The following COL25A1 variants were observed in gnomAD, a reference collection of about 807,000 sequenced individuals.
COL25A1 encodes collagen type XXV alpha 1 chain.
COL25A1 carries 103 observed loss-of-function variants against 128.4 expected under a neutral mutation model. The observed-to-expected ratio is 0.80, with a 90% CI of 0.68 to 0.94. The LOEUF (loss-of-function observed/expected upper bound fraction) is 0.94. COL25A1 is among the 40% of genes least tolerant of loss of function. The probability of loss-of-function intolerance (pLI) is 0.00; values close to 1 mark genes in which losing one functional copy is unlikely to be tolerated. For synonymous variants in COL25A1, 279 were observed against 277.2 expected (o/e 1.01, Z -0.06); for missense variants, 745 against 840.0 (o/e 0.89, Z 1.40).
At chr4:109,105,958 A>C (rs1766389518) in intron 3 of COL25A1, among the ~76,000 whole-genome samples, 1 of 152,174 alleles carries the variant, frequency 6.6e-6, no homozygotes, top group South Asian at 2.1e-4. Flanking sequence ...GACAATCTTA[A>C]TTATCAATTT....
rs184128130 is a variant in COL25A1, at chr4:109,163,885, G to A, written c.368-113706C>T. 2.6e-4 allele frequency among the ~76,000 whole-genome samples: 40 copies of A among 152,198 alleles called. No individual in the cohort carries two copies. The East Asian group carries it at 6.6e-3, about 25-fold the overall frequency. ...AAGGATTTCCTGACCCTTCAGCTTT[G>A]AGCCAATGTGAAATTGGTCTATGTT... On this transcript the variant is annotated intron_variant, in intron 3 of 37. Transcript: ENST00000399132.
At chr4:108,962,740 T>TG in intron 8 of COL25A1, among the ~76,000 whole-genome samples, 1 of 66,792 alleles carries the variant, frequency 1.5e-5, no homozygotes, top group Non-Finnish European at 3.2e-5. Flanking sequence ...TTATTATTAC[T>TG]ATTGTCTATG....
intron 8 of COL25A1, among the ~76,000 whole-genome samples, chr4:108,956,353 A>T (rs1463993119): frequency 6.6e-6 from 1 of 152,164 alleles, no homozygotes; most frequent in Non-Finnish European, 1.5e-5. Context: ...AATAATACTT[A>T]ACCAGTCACA....
chr4:109,060,541 T>A (rs1443981414), intron 3 of COL25A1, among the ~76,000 whole-genome samples: 2 of 152,280 alleles, frequency 1.3e-5, no homozygotes, highest in Non-Finnish European at 2.9e-5. Context: ...TTTACATACA[T>A]GTCTGGCACA....
chr4:108,994,007 A>G (rs1372460889), intron 6 of COL25A1, among the ~76,000 whole-genome samples: 1 of 152,204 alleles, frequency 6.6e-6, no homozygotes, highest in Non-Finnish European at 1.5e-5. Context: ...CCAAATAGGA[A>G]CAGCTCTGGT....
intron 3 of COL25A1, among the ~76,000 whole-genome samples, chr4:109,220,130 A>G (rs1398002624): frequency 6.6e-6 from 1 of 152,180 alleles, no homozygotes; most frequent in Non-Finnish European, 1.5e-5. Flanking sequence ...TGTATATTCT[A>G]TAAGGGAAAA....
chr4:109,300,770 T>G (rs1348783083), intron 2 of COL25A1, 118 bp from the exon 3 acceptor site: 5 of 686,250 alleles, frequency 7.3e-6, no homozygotes, highest in Non-Finnish European at 1.3e-5. Context: ...TAACTAACAT[T>G]TACATATGTA....
At chr4:108,993,598 G>T (rs763892114) in intron 6 of COL25A1, among the ~76,000 whole-genome samples, 5 of 152,156 alleles carry the variant, frequency 3.3e-5, no homozygotes, top group Non-Finnish European at 5.9e-5. Flanking sequence ...GGTGACTCAC[G>T]CCTGTAATCC....
At chr4:109,231,170 T>G (rs999687861) in intron 3 of COL25A1, among the ~76,000 whole-genome samples, 7 of 151,712 alleles carry the variant, frequency 4.6e-5, no homozygotes, top group Non-Finnish European at 8.8e-5. Context: ...AATAAATAAA[T>G]AAATTTAAAA....
At chr4:109,163,567 C>T (rs1162418058) in intron 3 of COL25A1, among the ~76,000 whole-genome samples, 2 of 152,226 alleles carry the variant, frequency 1.3e-5, no homozygotes, top group East Asian at 3.8e-4. Context: ...GCAGGAATTC[C>T]TGCTGCACAG....
chr4:109,119,006 A>C (rs571905435), intron 3 of COL25A1, among the ~76,000 whole-genome samples: 16 of 152,092 alleles, frequency 1.1e-4, no homozygotes, highest in Admixed American at 5.3e-4. Context: ...AATAGAAAGT[A>C]TAAAATGTTT....
intron 11 of COL25A1, among the ~76,000 whole-genome samples, chr4:108,924,878 C>A (rs944148248): frequency 2.0e-5 from 3 of 152,184 alleles, no homozygotes; most frequent in African/African-American, 4.8e-5. Context: ...CCGGTCCTCT[C>A]CTGCATCCAT....
rs181623061 is a variant in COL25A1 at position 109,224,715 on chromosome 4, G to A, written c.367+75868C>T. On this transcript the variant is annotated intron_variant, in intron 3 of 37. Transcript: ENST00000399132. ...AGCACTTTGGGAGTCCGAAGTGGGT[G>A]GATCAACTGAGGTCGAGAGTTAGAG... Among the ~76,000 whole-genome samples the A allele has an allele frequency of 3.9e-4, 60 of 152,222 alleles. 1 individual carries two copies. The highest frequency in any genetic ancestry group is 1.4e-3 in the African/African-American group (58 of 41,506).
intron 3 of COL25A1, among the ~76,000 whole-genome samples, chr4:109,293,764 A>T (rs1269628372): frequency 6.6e-6 from 1 of 152,128 alleles, no homozygotes; most frequent in Admixed American, 6.6e-5. Flanking sequence ...GAAGAAAAAT[A>T]AAAAATGCGC....
chr4:109,178,940 C>T (rs528409348), intron 3 of COL25A1, among the ~76,000 whole-genome samples: 32 of 151,720 alleles, frequency 2.1e-4, no homozygotes, highest in African/African-American at 7.5e-4. Context: ...TATAAAAGCG[C>T]CTTTGTGACA....
At position 108,833,991 on chromosome 4, in the gene COL25A1, A is replaced by C. The variant is rs541838214; in HGVS notation, c.1657-1558T>G. 4.6e-5 allele frequency among the ~76,000 whole-genome samples: 7 copies of C among 152,354 alleles called. No homozygotes were observed. In the East Asian group the frequency reaches 1.2e-3, roughly 25 times the overall value. On this transcript the variant is annotated intron_variant, in intron 31 of 37. Transcript: ENST00000399132. ...AATTTCACATTATTTTAATCTCTTC[A>C]GAGGGCCGCTCTCATGGAATTGTAG...
At chr4:108,887,108 C>G (rs1740925028) in intron 18 of COL25A1, among the ~76,000 whole-genome samples, 1 of 152,142 alleles carries the variant, frequency 6.6e-6, no homozygotes, top group African/African-American at 2.4e-5. Context: ...ATACTAAACT[C>G]TCGAGGCTAT....
At chr4:109,116,058 A>AAACC (rs1263454348) in intron 3 of COL25A1, among the ~76,000 whole-genome samples, 3 of 152,062 alleles carry the variant, frequency 2.0e-5, no homozygotes, top group African/African-American at 7.2e-5. Flanking sequence ...AACTCAGCAG[A>AAACC]AACCAGTGCC....
At chr4:109,189,077 G>A (rs563099769) in intron 3 of COL25A1, among the ~76,000 whole-genome samples, 7 of 151,948 alleles carry the variant, frequency 4.6e-5, no homozygotes, top group East Asian at 1.9e-4. Context: ...ATATTTCATC[G>A]TGTATTCTAT....
Sources: gnomAD v4.1 joint callset for allele counts (sites outside exome capture counted in the v4.1 genomes callset) on GRCh38, gnomAD v4.1.1 for gene constraint, MANE v1.5 for transcripts, NCBI Gene and HGNC (gene_info 2026-07-23, HGNC 2026-07-21) for gene names.